The following DACH2 variants were observed in gnomAD, a reference collection of about 807,000 sequenced individuals.
DACH2 encodes the protein dachshund family transcription factor 2, also known as dachshund homolog 2.
DACH2 carries 17 observed loss-of-function variants against 35.8 expected under a neutral mutation model. That is an observed-to-expected ratio of 0.48 (90% CI 0.33 to 0.71). The LOEUF (loss-of-function observed/expected upper bound fraction) is 0.71, where lower values mean the gene tolerates loss of function less well. Ranked by LOEUF, DACH2 falls within the 30% of genes least tolerant of loss-of-function variation. DACH2 has a pLI of 0.02. For missense variants in DACH2, 469 were observed against 472.7 expected, an observed-to-expected ratio of 0.99 and a Z score of 0.07; for synonymous variants, 195 against 177.3, an observed-to-expected ratio of 1.10 and a Z score of -0.79.
At chrX:86,345,168 G>T (rs1018909983) in intron 1 of DACH2, among the ~76,000 whole-genome samples, 6 of 111,914 alleles carry the variant, frequency 5.4e-5, no homozygotes, top group African/African-American at 1.9e-4. Flanking sequence ...GAGCAGGGTT[G>T]CTAGGAAAAA....
chrX:86,714,779 A>C, intron 6 of DACH2, 59 bp downstream of exon 6: 4 of 1,005,300 alleles, frequency 4.0e-6, no homozygotes, highest in Non-Finnish European at 5.4e-6. Flanking sequence ...TTTTGATAAA[A>C]TATTTACAAT....
At chrX:86,169,546 T>G (rs1602250584) in intron 1 of DACH2, among the ~76,000 whole-genome samples, 1 of 110,912 alleles carries the variant, frequency 9.0e-6, no homozygotes, top group South Asian at 3.9e-4. Flanking sequence ...TAATGCTGTT[T>G]TCTAGATCCA....
chrX:86,425,672 T>C (rs2036881539), intron 2 of DACH2, among the ~76,000 whole-genome samples: 1 of 111,380 alleles, frequency 9.0e-6, no homozygotes, highest in African/African-American at 3.3e-5. Context: ...CATTTCAATT[T>C]CACTTATTTC....
chrX:86,471,727 G>T lies in DACH2; in HGVS notation c.528-42552G>T, dbSNP rs188560565. Among the ~76,000 whole-genome samples the T allele has an allele frequency of 4.5e-3, 502 of 111,207 alleles. 1 individual carries two copies. Among genetic ancestry groups the T allele is most frequent in the Non-Finnish European group, 7.7e-3 (405 of 52,863 alleles). ...TATTATAATAAGAAGATAACCTTTA[G>T]TGAACAACAGTTCCGATTTAAGTAA... On this transcript the variant is annotated intron_variant, in intron 2 of 11. Coordinates refer to ENST00000373125, the MANE Select transcript of DACH2 (RefSeq NM_053281.3).
chrX:86,174,801 C>G (rs931375374), intron 1 of DACH2, among the ~76,000 whole-genome samples: 4 of 111,464 alleles, frequency 3.6e-5, no homozygotes, highest in African/African-American at 1.3e-4. Context: ...CCTCAGCCCC[C>G]TGAGCAGCTA....
At chrX:86,685,797 C>T (rs1416832917) in intron 4 of DACH2, among the ~76,000 whole-genome samples, 2 of 110,333 alleles carry the variant, frequency 1.8e-5, no homozygotes, top group African/African-American at 6.6e-5. Flanking sequence ...TTAAATCTTG[C>T]AAGAATTCAC....
intron 2 of DACH2, among the ~76,000 whole-genome samples, chrX:86,454,359 C>A (rs2037436380): frequency 9.0e-6 from 1 of 111,611 alleles, no homozygotes; most frequent in Non-Finnish European, 1.9e-5. Context: ...GGATGATATT[C>A]TGGAGTATGT....
intron 3 of DACH2, among the ~76,000 whole-genome samples, chrX:86,548,643 C>G (rs1341822223): frequency 8.9e-6 from 1 of 111,793 alleles, no homozygotes; most frequent in Non-Finnish European, 1.9e-5. Context: ...ACGTGAAACC[C>G]ATTTTCCTTA....
At chrX:86,786,913 C>T (rs2042142661) in intron 7 of DACH2, among the ~76,000 whole-genome samples, 1 of 111,570 alleles carries the variant, frequency 9.0e-6, no homozygotes, top group Non-Finnish European at 1.9e-5. Context: ...CTTTCTAGTG[C>T]TTTTCTCATG....
intron 1 of DACH2, among the ~76,000 whole-genome samples, chrX:86,227,491 T>G (rs1484620545): frequency 9.0e-6 from 1 of 111,625 alleles, no homozygotes; most frequent in Non-Finnish European, 1.9e-5. Context: ...TTGAAGAACA[T>G]CAAAAGGTAC....
intron 1 of DACH2, among the ~76,000 whole-genome samples, chrX:86,251,792 CTATAAACATGCGTGTACAAG>C (rs1195582350): frequency 9.0e-6 from 1 of 111,683 alleles, no homozygotes; most frequent in Non-Finnish European, 1.9e-5. Context: ...AATTGTGCTG[CTATAAACATGCGTGTACAAG>C]TATCTTTTTC....
At chrX:86,691,074 C>T (rs987521317) in intron 4 of DACH2, among the ~76,000 whole-genome samples, 1 of 111,477 alleles carries the variant, frequency 9.0e-6, no homozygotes, top group Non-Finnish European at 1.9e-5. Context: ...AAAGAGGTTA[C>T]TTTATTTTCC....
At chrX:86,360,544 T>C (rs73520066) in intron 1 of DACH2, among the ~76,000 whole-genome samples, 3 of 111,784 alleles carry the variant, frequency 2.7e-5, no homozygotes, top group Non-Finnish European at 3.8e-5. Flanking sequence ...AACACACTTT[T>C]ACATTTTATC....
At chrX:86,328,824 A>G (rs2035161660) in intron 1 of DACH2, among the ~76,000 whole-genome samples, 1 of 111,589 alleles carries the variant, frequency 9.0e-6, no homozygotes, top group African/African-American at 3.3e-5. Flanking sequence ...AGCAATCTGA[A>G]AAGGTTGAGT....
chrX:86,775,475 G>A (rs191492752), intron 7 of DACH2, among the ~76,000 whole-genome samples: 32 of 111,507 alleles, frequency 2.9e-4, no homozygotes, highest in Non-Finnish European at 5.8e-4. Context: ...GGCTCCTTAC[G>A]AGAATCTAAC....
chrX:86,277,411 C>T (rs1016687806), intron 1 of DACH2, among the ~76,000 whole-genome samples: 6 of 111,669 alleles, frequency 5.4e-5, no homozygotes, highest in African/African-American at 2.0e-4. Flanking sequence ...GGAATACATT[C>T]TTAAATAAAT....
At chrX:86,204,238 A>T (rs1751402807) in intron 1 of DACH2, among the ~76,000 whole-genome samples, 1 of 111,921 alleles carries the variant, frequency 8.9e-6, no homozygotes, top group South Asian at 3.7e-4. Context: ...AGAACCTAGA[A>T]CCATGTCTGC....
intron 7 of DACH2, among the ~76,000 whole-genome samples, chrX:86,743,987 A>G (rs1482507647): frequency 9.0e-6 from 1 of 111,397 alleles, no homozygotes; most frequent in East Asian, 2.8e-4. Flanking sequence ...CCCAAGCTGT[A>G]CATGATGCAT....
At chrX:86,780,129 G>A (rs1307722789) in intron 7 of DACH2, among the ~76,000 whole-genome samples, 4 of 101,076 alleles carry the variant, frequency 4.0e-5, no homozygotes, top group African/African-American at 1.1e-4. Flanking sequence ...CCCTACTTAC[G>A]CCACAATGAA....
Sources: allele counts gnomAD v4.1 joint callset (sites outside exome capture counted in the v4.1 genomes callset), GRCh38; gene constraint gnomAD v4.1.1; transcripts MANE v1.5; gene names NCBI Gene and HGNC (gene_info 2026-07-23, HGNC 2026-07-21).